The following CHD4 variants were observed in gnomAD, a reference collection of about 807,000 sequenced individuals.
The protein encoded by CHD4 is ATP-dependent chromatin remodeler CHD4.
CHD4 carries 35 observed loss-of-function variants against 235.5 expected under a neutral mutation model. The ratio of observed to expected loss-of-function variants is 0.15; its 90% CI spans 0.11 to 0.20. The LOEUF (loss-of-function observed/expected upper bound fraction) is 0.20. Ranked by LOEUF, CHD4 falls within the 10% of genes least tolerant of loss-of-function variation. CHD4 has a pLI of 1.00. For missense variants in CHD4, 1,329 were observed against 2,432.3 expected (o/e 0.55, Z 9.54); for synonymous variants, 900 against 850.2 (o/e 1.06, Z -1.02).
At position 6,578,866 on chromosome 12, in the gene CHD4, G is replaced by C; in HGVS notation, c.4961C>G (p.Pro1654Arg). The C allele has an allele frequency of 6.2e-7, 1 of 1,614,170 alleles. No individual in the cohort carries two copies. The change falls in exon 34 of 40, where the codon CCT (proline) becomes CGT (arginine). Residue 1654 changes from proline (P) to arginine (R), a missense_variant. By Grantham distance (103) the Pro-to-Arg change is moderately radical. Coordinates refer to ENST00000544040, the MANE Select transcript of CHD4 (RefSeq NM_001273.5). ...CCCACCTTTGTCTTCTACCACAATAGGGGTCAGATCTATTGCTGACTTTTC... is the reference window on the plus strand; with the variant it reads ...CCCACCTTTGTCTTCTACCACAATACGGGTCAGATCTATTGCTGACTTTTC... ...VEEKSAIDLT[P>R]IVVEDKEEKK... is the part of the protein sequence containing the mutation.
intron 25 of CHD4, chr12:6,587,038 G>A (rs143362933): frequency 2.4e-5 from 5 of 209,958 alleles, no homozygotes; most frequent in Admixed American, 5.6e-5. Context: ...AACACAAAGA[G>A]ATAGATTACC....
At chr12:6,589,507 G>A (rs12312677) in intron 22 of CHD4, among the ~76,000 whole-genome samples, 3,007 of 152,082 alleles carry the variant, frequency 0.02, 94 homozygotes, top group African/African-American at 0.069. Flanking sequence ...GGTGGCTCAC[G>A]CCTGTAATCC....
intron 2 of CHD4, among the ~76,000 whole-genome samples, chr12:6,604,317 T>C (rs1948652614): frequency 1.3e-5 from 2 of 152,018 alleles, no homozygotes; most frequent in African/African-American, 2.4e-5. Flanking sequence ...ATCCCTGACA[T>C]GTTCTTAGCT....
At chr12:6,596,890 C>CGGA (rs557764207) in intron 12 of CHD4, among the ~76,000 whole-genome samples, 163 of 151,156 alleles carry the variant, frequency 1.1e-3, no homozygotes, top group African/African-American at 3.8e-3. Context: ...GCCTGAGAGG[C>CGGA]GGAGGTTGCA....
At chr12:6,603,843 AC>A (rs942518934) in intron 2 of CHD4, among the ~76,000 whole-genome samples, 2 of 152,146 alleles carry the variant, frequency 1.3e-5, no homozygotes, top group Non-Finnish European at 2.9e-5. Context: ...AATTTCTGAT[AC>A]CCAAAAGATT....
rs750234213 is a variant in CHD4 at position 6,578,917 on chromosome 12, C to T, written c.4910G>A (p.Gly1637Asp). ...CTCCACCTTCTCTACATCAGCAGCA[C>T]CTAGGGGAAGAAATGTTATTGAGAC... ...TEEPMETEPK[G>D]AADVEKVEEK... The change falls in exon 34 of 40, where the codon GGT becomes GAT. Residue 1637 changes from glycine to aspartate, a missense_variant and splice_region_variant. By Grantham distance (94) the Gly-to-Asp change is moderately conservative. Around this residue, in one of 26 missense-constraint regions of CHD4, gnomAD observed 219 missense variants for 219.3 expected, o/e 1.00. Transcript: ENST00000544040. 14 of 1,613,962 alleles carry T rather than the reference C, an allele frequency of 8.7e-6. No individual in the cohort carries two copies. The highest frequency in any genetic ancestry group is 1.1e-5 in the Non-Finnish European group (13 of 1,179,842).
chr12:6,583,172 T>C (rs931153890), intron 26 of CHD4, 26 bp downstream of exon 26: 3 of 920,558 alleles, frequency 3.3e-6, no homozygotes, highest in African/African-American at 1.8e-5. Flanking sequence ...GGCCCATGGG[T>C]GGGGGGCGGG....
intron 35 of CHD4, 127 bp from the exon 36 acceptor site, chr12:6,578,264 G>C: frequency 7.4e-7 from 1 of 1,359,992 alleles, no homozygotes; most frequent in Non-Finnish European, 1.0e-6. Context: ...TTTGCTTCTG[G>C]CTTTCTCCAC....
At chr12:6,585,763 TG>T (rs1443029007) in intron 25 of CHD4, among the ~76,000 whole-genome samples, 28 of 145,890 alleles carry the variant, frequency 1.9e-4, no homozygotes, top group Admixed American at 3.4e-4. Context: ...CACTCCAGCC[TG>T]GGCGGGAAAG....
chr12:6,584,452 T>A (rs557728666), intron 25 of CHD4: 1 of 152,084 alleles, frequency 6.6e-6, no homozygotes, highest in South Asian at 2.1e-4. Context: ...CAGGCTGGAG[T>A]AGAGTGGCGT....
chr12:6,577,381 C>T (rs1009700743), intron 37 of CHD4, among the ~76,000 whole-genome samples: 2 of 141,098 alleles, frequency 1.4e-5, no homozygotes, highest in Non-Finnish European at 3.0e-5. Flanking sequence ...GAGGCTGCAT[C>T]ACTGCATTCC....
intron 33 of CHD4, 198 bp from the exon 34 acceptor site, chr12:6,579,115 G>C: frequency 2.5e-6 from 1 of 402,534 alleles, no homozygotes. Flanking sequence ...AGGAGTTCAA[G>C]ACCAGCCTGG....
intron 10 of CHD4, 41 bp from the exon 11 acceptor site, chr12:6,598,466 TG>T: frequency 1.3e-6 from 2 of 1,502,640 alleles, no homozygotes; most frequent in Non-Finnish European, 9.1e-7. Context: ...ATCATAACCA[TG>T]GGAGGAGAAG....
intron 25 of CHD4, 92 bp from the exon 26 acceptor site, chr12:6,583,470 T>C: frequency 8.9e-7 from 1 of 1,117,926 alleles, no homozygotes; most frequent in Non-Finnish European, 1.3e-6. Flanking sequence ...GCTAGCTCCT[T>C]TTCATGACTG....
In CHD4 at chr12:6,578,126, G is replaced by T; in HGVS notation, c.5131C>A (p.Leu1711Ile). The T allele has an allele frequency of 6.2e-7, 1 of 1,612,594 alleles. No homozygotes were observed. Among genetic ancestry groups the T allele is most frequent in the Non-Finnish European group, 8.5e-7 (1 of 1,179,990 alleles). The change falls in exon 36 of 40, where the codon CTT becomes ATT. Residue 1711 changes from leucine (L) to isoleucine (I), a missense_variant. By Grantham distance (5) the Leu-to-Ile change is conservative. Transcript: ENST00000544040. ...GCTGCCCGCTCTTCATTCTGCCAAA[G>T]GGAGTGCAACTCTGAGGAGGAATTT... ...ADGGFTELHS[L>I]WQNEERAATV...
intron 25 of CHD4, 128 bp from the exon 26 acceptor site, chr12:6,583,506 T>C (rs17788043): frequency 0.019 from 14,415 of 778,612 alleles, 185 homozygotes; most frequent in Non-Finnish European, 0.022. Context: ...GGTGTGCCTG[T>C]TTGGACCTAA....
chr12:6,603,871 G>A (rs1012061856), intron 2 of CHD4, among the ~76,000 whole-genome samples: 2 of 152,088 alleles, frequency 1.3e-5, no homozygotes, highest in South Asian at 2.1e-4. Flanking sequence ...GAGGAATGGA[G>A]GCCCACAAGA....
chr12:6,600,651 C>T lies in CHD4; in HGVS notation c.946G>A (p.Asp316Asn). The T allele has an allele frequency of 1.2e-6, 2 of 1,614,102 alleles. No homozygotes were observed. The highest frequency in any genetic ancestry group is 1.7e-6 in the Non-Finnish European group (2 of 1,180,016). The change falls in exon 8 of 40, where the codon GAT becomes AAT. Residue 316 changes from aspartate to asparagine, a missense_variant. Around this residue, in one of 26 missense-constraint regions of CHD4, gnomAD observed 160 missense variants for 196.6 expected, o/e 0.81. Transcript: ENST00000544040. ...GCATCATCGAAGTCAGATTCCACAT[C>T]TAAGTCATCATCCTCACTCTGGCAG... Reference protein sequence around the residue: ...KRSSSEDDDLDVESDFDDASI... With the variant: ...KRSSSEDDDLNVESDFDDASI...
chr12:6,585,269 G>A (rs1406094929), intron 25 of CHD4, among the ~76,000 whole-genome samples: 1 of 152,004 alleles, frequency 6.6e-6, no homozygotes, highest in Non-Finnish European at 1.5e-5. Context: ...GAAGGGAGGA[G>A]AATAAAAAGG....
Sources: gnomAD v4.1 joint callset for allele counts (sites outside exome capture counted in the v4.1 genomes callset) on GRCh38, gnomAD v4.1.1 for gene constraint, gnomAD v4.1.1 regional missense constraint, MANE v1.5 for transcripts, NCBI Gene and HGNC (gene_info 2026-07-23, HGNC 2026-07-21) for gene names.